Variants in ROBO1 observed in about 807,000 individuals in gnomAD.
The protein encoded by ROBO1 is roundabout homolog 1.
ROBO1 carries 149 observed loss-of-function variants against 195.9 expected under a neutral mutation model. The observed-to-expected ratio is 0.76, with a 90% CI of 0.67 to 0.87. The LOEUF (loss-of-function observed/expected upper bound fraction) is 0.87. Among genes scored for constraint, ROBO1 ranks in the 40% least tolerant of loss-of-function variants. The probability of loss-of-function intolerance (pLI) is 0.00; values close to 1 mark genes in which losing one functional copy is unlikely to be tolerated. For synonymous variants in ROBO1, 816 were observed against 733.2 expected (o/e 1.11, Z -1.82); for missense variants, 1,933 against 2,068.3 (o/e 0.93, Z 1.27).
At chr3:79,218,709 G>C (rs1358656325) in intron 2 of ROBO1, among the ~76,000 whole-genome samples, 1 of 151,838 alleles carries the variant, frequency 6.6e-6, no homozygotes, top group Non-Finnish European at 1.5e-5. Context: ...TAGACAAAGA[G>C]ACTCCCTCGA....
chr3:79,000,218 C>CAGCAA lies in ROBO1; in HGVS notation c.173-61296_173-61292dup, dbSNP rs542521507. ...CATGGCAGCAGCAAGGAGAAGTGCA[C>CAGCAA]AGCAAAAGAGGAAAAGCCCCTTAGA... On this transcript the variant is annotated intron_variant, in intron 3 of 30. Coordinates refer to ENST00000464233, the MANE Select transcript of ROBO1 (RefSeq NM_002941.4). Among the ~76,000 whole-genome samples the CAGCAA allele has an allele frequency of 9.9e-5, 15 of 152,218 alleles. No individual in the cohort carries two copies. The South Asian group carries it at 3.1e-3, about 32-fold the overall frequency.
At chr3:79,028,894 C>T (rs779450619) in intron 3 of ROBO1, among the ~76,000 whole-genome samples, 16 of 151,976 alleles carry the variant, frequency 1.1e-4, no homozygotes, top group Non-Finnish European at 2.1e-4. Context: ...TTGTATTTCA[C>T]ACCAGAAAGT....
At chr3:79,584,145 G>A (rs2107797879) in intron 2 of ROBO1, among the ~76,000 whole-genome samples, 1 of 151,524 alleles carries the variant, frequency 6.6e-6, no homozygotes, top group Admixed American at 6.6e-5. Context: ...GTGAAAGAAT[G>A]GATAGATAGA....
At chr3:79,481,545 C>A (rs1219512816) in intron 2 of ROBO1, among the ~76,000 whole-genome samples, 1 of 152,134 alleles carries the variant, frequency 6.6e-6, no homozygotes, top group African/African-American at 2.4e-5. Flanking sequence ...GTCTATCAAC[C>A]AGCTTGACCT....
chr3:79,758,384 G>C (rs1311527540), intron 1 of ROBO1, among the ~76,000 whole-genome samples: 4 of 152,202 alleles, frequency 2.6e-5, no homozygotes, highest in Non-Finnish European at 5.9e-5. Context: ...CATGTAGCTA[G>C]TGGTTAGAGT....
intron 2 of ROBO1, among the ~76,000 whole-genome samples, chr3:79,306,848 TA>T (rs1216516148): frequency 1.3e-5 from 2 of 151,898 alleles, no homozygotes; most frequent in Non-Finnish European, 2.9e-5. Context: ...AATTCCTCCA[TA>T]AAAATGTAAA....
chr3:79,183,470 A>C (rs2081382432), intron 2 of ROBO1, among the ~76,000 whole-genome samples: 1 of 152,272 alleles, frequency 6.6e-6, no homozygotes. Context: ...GGAATGGAAA[A>C]TGTAGCTGGC....
intron 1 of ROBO1, among the ~76,000 whole-genome samples, chr3:79,633,042 A>G (rs1945389474): frequency 6.6e-6 from 1 of 152,160 alleles, no homozygotes; most frequent in Non-Finnish European, 1.5e-5. Flanking sequence ...TATGAATCAG[A>G]AGGGAAATAC....
At chr3:78,857,084 T>C (rs903532408) in intron 4 of ROBO1, among the ~76,000 whole-genome samples, 2 of 152,154 alleles carry the variant, frequency 1.3e-5, no homozygotes, top group Non-Finnish European at 2.9e-5. Flanking sequence ...ATTAGAGCTC[T>C]GATGATAAAT....
intron 2 of ROBO1, among the ~76,000 whole-genome samples, chr3:79,195,813 G>T (rs2081622947): frequency 6.6e-6 from 1 of 151,044 alleles, no homozygotes; most frequent in African/African-American, 2.4e-5. Flanking sequence ...AGATGCTAAT[G>T]TCTCTTTTTA....
chr3:78,728,725 T>TA (rs1225691570), intron 5 of ROBO1, among the ~76,000 whole-genome samples: 1 of 152,130 alleles, frequency 6.6e-6, no homozygotes, highest in East Asian at 1.9e-4. Flanking sequence ...CCTGGTGACA[T>TA]AAAAAAGGAC....
At chr3:79,500,744 C>T (rs1413015377) in intron 2 of ROBO1, among the ~76,000 whole-genome samples, 1 of 152,138 alleles carries the variant, frequency 6.6e-6, no homozygotes, top group Non-Finnish European at 1.5e-5. Flanking sequence ...GGGTGCTTTC[C>T]ATACTTGCCT....
Position 79,201,224 on chromosome 3 carries a change from T to C in ROBO1, c.89-75685A>G, listed in dbSNP as rs187648027. 2.7e-3 allele frequency among the ~76,000 whole-genome samples: 411 copies of C among 152,122 alleles called. 2 individuals carry two copies. The highest frequency in any genetic ancestry group is 4.5e-3 in the Non-Finnish European group (305 of 67,940). ...ATGCTTTACTAATTTTTAATTCTAC[T>C]GTTTAAAACCTCAGTGAACTACCAT... is the stretch of plus-strand genomic sequence containing the variant. On this transcript the variant is annotated intron_variant, in intron 2 of 30. Coordinates refer to ENST00000464233, the MANE Select transcript of ROBO1 (RefSeq NM_002941.4).
chr3:79,323,900 G>A (rs2034096087), intron 2 of ROBO1, among the ~76,000 whole-genome samples: 3 of 152,066 alleles, frequency 2.0e-5, no homozygotes, highest in African/African-American at 7.2e-5. Flanking sequence ...GTGTTAATCT[G>A]TTTATTGCTT....
At chr3:79,333,931 G>T (rs2034552764) in intron 2 of ROBO1, among the ~76,000 whole-genome samples, 1 of 152,142 alleles carries the variant, frequency 6.6e-6, no homozygotes, top group African/African-American at 2.4e-5. Context: ...GCATGTAAAT[G>T]CTACCAGATT....
In ROBO1 at chr3:79,548,808, A is replaced by G. The variant is rs149747735; in HGVS notation, c.88+41016T>C. On this transcript the variant is annotated intron_variant, in intron 2 of 30. Coordinates refer to ENST00000464233, the MANE Select transcript of ROBO1 (RefSeq NM_002941.4). Reference sequence around the variant, plus strand: ...TGACCAATGATAGACACAAATAGATACTCTCTCTTGGCAGCAGCAGGGTTT... The same window carrying G: ...TGACCAATGATAGACACAAATAGATGCTCTCTCTTGGCAGCAGCAGGGTTT... Among the ~76,000 whole-genome samples, 28 of 152,148 alleles carry G rather than the reference A, an allele frequency of 1.8e-4. No homozygotes were observed. The East Asian group carries it at 5.2e-3, about 28-fold the overall frequency.
chr3:78,638,262 T>C (rs1204780915), intron 22 of ROBO1, among the ~76,000 whole-genome samples: 1 of 137,484 alleles, frequency 7.3e-6, no homozygotes, highest in Non-Finnish European at 1.6e-5. Flanking sequence ...TACATATATG[T>C]ATATGTGTAT....
At chr3:79,481,860 C>T (rs1365825898) in intron 2 of ROBO1, among the ~76,000 whole-genome samples, 1 of 151,734 alleles carries the variant, frequency 6.6e-6, no homozygotes, top group East Asian at 1.9e-4. Context: ...AAAATATGGA[C>T]ACTTTGCTAA....
intron 2 of ROBO1, among the ~76,000 whole-genome samples, chr3:79,383,687 A>G (rs2036645018): frequency 6.6e-6 from 1 of 152,094 alleles, no homozygotes; most frequent in Non-Finnish European, 1.5e-5. Context: ...TAGGCATGAC[A>G]GTTTCCATAT....
Sources: gnomAD v4.1 joint callset for allele counts (sites outside exome capture counted in the v4.1 genomes callset) on GRCh38, gnomAD v4.1.1 for gene constraint, MANE v1.5 for transcripts, NCBI Gene and HGNC (gene_info 2026-07-23, HGNC 2026-07-21) for gene names.